SGK1: variants seen among roughly 807,000 people sequenced by gnomAD.
SGK1 encodes the protein serum/glucocorticoid regulated kinase 1, also known as serine/threonine-protein kinase Sgk1.
In SGK1, 26 loss-of-function variants were observed where a neutral mutation model predicts 64.2. The ratio of observed to expected loss-of-function variants is 0.40; its 90% CI spans 0.30 to 0.56. The LOEUF (loss-of-function observed/expected upper bound fraction) is 0.56, where lower values mean the gene tolerates loss of function less well. SGK1 is among the 20% of genes least tolerant of loss of function. The probability of loss-of-function intolerance (pLI) is 0.38; values close to 1 mark genes in which losing one functional copy is unlikely to be tolerated. For synonymous variants in SGK1, 265 were observed against 239.7 expected (o/e 1.11, Z -0.98); for missense variants, 519 against 645.6 (o/e 0.80, Z 2.12).
chr6:134,284,410 A>G (rs1452057558), intron 1 of SGK1, among the ~76,000 whole-genome samples: 1 of 151,946 alleles, frequency 6.6e-6, no homozygotes, highest in Non-Finnish European at 1.5e-5. Flanking sequence ...CATCAGTCTT[A>G]TGCCTTTACA....
intron 3 of SGK1, among the ~76,000 whole-genome samples, chr6:134,196,775 G>A (rs575514721): frequency 2.6e-5 from 4 of 152,346 alleles, no homozygotes; most frequent in African/African-American, 7.2e-5. Context: ...CAAAAACCAC[G>A]TATGAGTGAC....
rs540308963 is a variant in SGK1, at chr6:134,281,053, C to T, written c.70-18905G>A. On this transcript the variant is annotated intron_variant, in intron 1 of 13. Transcript: ENST00000367858. Reference sequence around the variant, plus strand: ...ATTGCACTCCAGCCTGGGTGACGAGCGAAACTCCATCTCCAAAAAAACCAG... The same window carrying T: ...ATTGCACTCCAGCCTGGGTGACGAGTGAAACTCCATCTCCAAAAAAACCAG... 5.3e-5 allele frequency among the ~76,000 whole-genome samples: 8 copies of T among 152,098 alleles called. No homozygotes were observed. The South Asian group carries it at 6.2e-4, about 12-fold the overall frequency.
chr6:134,279,519 C>T (rs9402579), intron 1 of SGK1, among the ~76,000 whole-genome samples: 2 of 151,894 alleles, frequency 1.3e-5, no homozygotes, highest in Non-Finnish European at 2.9e-5. Context: ...CTTGGTGATA[C>T]CACACCCTAC....
chr6:134,220,504 C>G (rs570307949), intron 2 of SGK1, among the ~76,000 whole-genome samples: 2 of 152,272 alleles, frequency 1.3e-5, no homozygotes, highest in South Asian at 2.1e-4. Context: ...AGCATGAGCT[C>G]TGGTGTCAGA....
intron 1 of SGK1, among the ~76,000 whole-genome samples, chr6:134,280,305 A>G (rs1244462161): frequency 6.6e-6 from 1 of 151,946 alleles, no homozygotes; most frequent in African/African-American, 2.4e-5. Context: ...AGTTCCTAGT[A>G]CCATTTGATT....
At chr6:134,218,395 A>G (rs908066836) in intron 2 of SGK1, among the ~76,000 whole-genome samples, 2 of 151,492 alleles carry the variant, frequency 1.3e-5, no homozygotes, top group Non-Finnish European at 1.5e-5. Context: ...AGACAGACAG[A>G]TCTTGCCCTC....
intron 3 of SGK1, among the ~76,000 whole-genome samples, chr6:134,194,758 A>G (rs1000219694): frequency 2.0e-5 from 3 of 152,106 alleles, no homozygotes; most frequent in African/African-American, 7.2e-5. Context: ...CCTTACCTCA[A>G]GTGATGCGCC....
At chr6:134,231,764 G>C (rs1198945925) in intron 2 of SGK1, among the ~76,000 whole-genome samples, 4 of 152,212 alleles carry the variant, frequency 2.6e-5, no homozygotes, top group African/African-American at 9.7e-5. Context: ...GGAAGGCCAG[G>C]TGTGGTGGCT....
At chr6:134,171,567 A>G (rs1775026983) in intron 11 of SGK1, 70 bp downstream of exon 11, 1 of 1,106,996 alleles carries the variant, frequency 9.0e-7, no homozygotes, top group African/African-American at 1.5e-5. Context: ...ACCATGGCCA[A>G]GCATGGGCTG....
intron 2 of SGK1, among the ~76,000 whole-genome samples, chr6:134,218,066 A>G (rs1776015040): frequency 6.6e-6 from 1 of 152,202 alleles, no homozygotes; most frequent in African/African-American, 2.4e-5. Context: ...TGTTTTCTAT[A>G]TTCTACACAA....
chr6:134,227,192 T>C (rs952501436), intron 2 of SGK1, among the ~76,000 whole-genome samples: 1 of 151,972 alleles, frequency 6.6e-6, no homozygotes, highest in Non-Finnish European at 1.5e-5. Flanking sequence ...TGGAGTACAG[T>C]GGCACAATCT....
intron 3 of SGK1, chr6:134,175,431 G>A (rs1214147573): frequency 2.3e-6 from 3 of 1,308,438 alleles, no homozygotes; most frequent in African/African-American, 3.1e-5. Flanking sequence ...AGGTCCTCCC[G>A]TTCCCGCCGC....
chr6:134,295,285 A>G (rs1777329609), intron 1 of SGK1, among the ~76,000 whole-genome samples: 1 of 152,224 alleles, frequency 6.6e-6, no homozygotes, highest in Non-Finnish European at 1.5e-5. Context: ...CAGAGAGCTG[A>G]GCCAGGGCCC....
intron 2 of SGK1, among the ~76,000 whole-genome samples, chr6:134,230,208 C>T (rs753383003): frequency 2.9e-4 from 44 of 152,114 alleles, no homozygotes; most frequent in Non-Finnish European, 4.1e-4. Flanking sequence ...AATTTAGAGC[C>T]GCACACGGCA....
chr6:134,171,725 G>A lies in SGK1; in HGVS notation c.1079C>T (p.Ala360Val). The change falls in exon 11 of 14, where the codon GCA (alanine) becomes GTA (valine). Residue 360 changes from alanine (A) to valine (V), a missense_variant. This residue lies in a region of SGK1 where 278 missense variants were observed against 408.7 expected (regional missense o/e 0.68). Coordinates refer to ENST00000367858, the MANE Select transcript of SGK1 (RefSeq NM_001143676.3). ...STFCGTPEYL[A>V]PEVLHKQPYD... The stretch of plus-strand genomic sequence containing the variant: ...AGGCTGCTTATGAAGCACCTCAGGT[G>A]CGAGATACTGAAAAACAGACCAGGG... 4 of 1,610,452 alleles carry A rather than the reference G, an allele frequency of 2.5e-6. No homozygotes were observed. The highest frequency in any genetic ancestry group is 2.5e-6 in the Non-Finnish European group (3 of 1,176,718).
At chr6:134,215,698 T>C (rs559505496) in intron 2 of SGK1, among the ~76,000 whole-genome samples, 2 of 151,926 alleles carry the variant, frequency 1.3e-5, no homozygotes, top group East Asian at 3.9e-4. Context: ...CTGGCCAAAA[T>C]GGCAAAACCC....
At chr6:134,241,585 T>C (rs1412611117) in intron 2 of SGK1, among the ~76,000 whole-genome samples, 2 of 152,044 alleles carry the variant, frequency 1.3e-5, no homozygotes, top group Non-Finnish European at 2.9e-5. Flanking sequence ...TCTGTCTTCC[T>C]AGATTGAAAT....
intron 1 of SGK1, among the ~76,000 whole-genome samples, chr6:134,284,897 T>C (rs982321146): frequency 3.3e-5 from 5 of 152,336 alleles, no homozygotes; most frequent in African/African-American, 9.6e-5. Context: ...GTAGTATTCC[T>C]TGGTGTGTAT....
chr6:134,227,609 C>T (rs1433645419), intron 2 of SGK1, among the ~76,000 whole-genome samples: 1 of 152,210 alleles, frequency 6.6e-6, no homozygotes, highest in Admixed American at 6.5e-5. Context: ...GAAGGAAAAG[C>T]ATGTTGTCCT....
Sources: gnomAD v4.1 joint callset for allele counts (sites outside exome capture counted in the v4.1 genomes callset) on GRCh38, gnomAD v4.1.1 for gene constraint, gnomAD v4.1.1 regional missense constraint, MANE v1.5 for transcripts, NCBI Gene and HGNC (gene_info 2026-07-23, HGNC 2026-07-21) for gene names.